Variants in LRRC49 observed in about 807,000 individuals in gnomAD.
The protein encoded by LRRC49 is leucine rich repeat containing 49.
LRRC49 carries 50 observed loss-of-function variants against 83.3 expected under a neutral mutation model. The ratio of observed to expected loss-of-function variants is 0.60; its 90% CI spans 0.48 to 0.76. The LOEUF is 0.76. Among genes scored for constraint, LRRC49 ranks in the 30% least tolerant of loss-of-function variants. The pLI is 0.00. For missense variants in LRRC49, 704 were observed against 809.1 expected (o/e 0.87, Z 1.58); for synonymous variants, 286 against 283.3 (o/e 1.01, Z -0.10).
Position 70,903,292 on chromosome 15 carries a change from G to A in LRRC49, c.297-1260G>A, listed in dbSNP as rs376058728. Reference sequence around the variant, plus strand: ...TTATCACAGTTCTGATAAAATAGTTGGATAAAATATTGTGATAAAATAATT... The same window carrying A: ...TTATCACAGTTCTGATAAAATAGTTAGATAAAATATTGTGATAAAATAATT... On this transcript the variant is annotated intron_variant, in intron 4 of 15. Transcript: ENST00000260382. Among the ~76,000 whole-genome samples the A allele has an allele frequency of 2.0e-4, 31 of 151,440 alleles. 1 individual carries two copies. In the South Asian group the frequency reaches 6.3e-3, roughly 31 times the overall value.
chr15:70,963,237 C>T (rs11638397), intron 8 of LRRC49, among the ~76,000 whole-genome samples: 1 of 141,672 alleles, frequency 7.1e-6, no homozygotes, highest in South Asian at 2.2e-4. Context: ...GATTGCACCA[C>T]TGAAACCCAG....
chr15:70,989,850 G>C (rs11072245), intron 11 of LRRC49, among the ~76,000 whole-genome samples: 1 of 151,994 alleles, frequency 6.6e-6, no homozygotes, highest in Non-Finnish European at 1.5e-5. Context: ...CCTTCTAACA[G>C]ACAGGACCCT....
upstream of LRRC49, among the ~76,000 whole-genome samples, chr15:70,888,928 A>C (rs1179643087): frequency 1.3e-5 from 2 of 152,228 alleles, no homozygotes; most frequent in Non-Finnish European, 2.9e-5. Context: ...AAATGGACTC[A>C]GATGTGAAAG....
chr15:71,000,770 G>T (rs911251725), intron 11 of LRRC49, among the ~76,000 whole-genome samples: 1 of 152,004 alleles, frequency 6.6e-6, no homozygotes, highest in Non-Finnish European at 1.5e-5. Context: ...ATCTAATTTA[G>T]ACTCATCATT....
upstream of LRRC49, chr15:70,892,484 C>T: frequency 6.5e-7 from 1 of 1,528,964 alleles, no homozygotes; most frequent in Non-Finnish European, 8.7e-7. Flanking sequence ...CTCCTCCCTG[C>T]GCTGCTCCCC....
intron 1 of LRRC49, among the ~76,000 whole-genome samples, chr15:70,854,408 G>A (rs2032597251): frequency 1.3e-5 from 2 of 152,156 alleles, no homozygotes; most frequent in Admixed American, 1.3e-4. Flanking sequence ...CGCCGCTGTG[G>A]GGCCCCAGCC....
chr15:70,868,451 G>A (rs1203157628), intron 1 of LRRC49, among the ~76,000 whole-genome samples: 1 of 152,184 alleles, frequency 6.6e-6, no homozygotes, highest in Non-Finnish European at 1.5e-5. Context: ...ATGATATTTG[G>A]TCACTCAAAA....
intron 9 of LRRC49, among the ~76,000 whole-genome samples, chr15:70,977,100 A>T (rs909528169): frequency 2.6e-5 from 4 of 152,178 alleles, no homozygotes; most frequent in African/African-American, 9.6e-5. Context: ...GGCTCTTTGA[A>T]AAAACAATCT....
At chr15:70,920,992 CT>C (rs1567053027) in intron 7 of LRRC49, among the ~76,000 whole-genome samples, 1 of 151,804 alleles carries the variant, frequency 6.6e-6, no homozygotes. Context: ...ATTCTTCTTG[CT>C]TTTTTTTCTT....
At chr15:71,037,545 G>T (rs1040601686) in intron 15 of LRRC49, among the ~76,000 whole-genome samples, 6 of 151,734 alleles carry the variant, frequency 4.0e-5, no homozygotes, top group African/African-American at 1.5e-4. Context: ...TTTCAGTATC[G>T]TTATTTCAGC....
At chr15:70,883,600 A>G (rs1211447474) in intron 2 of LRRC49, among the ~76,000 whole-genome samples, 1 of 152,094 alleles carries the variant, frequency 6.6e-6, no homozygotes, top group African/African-American at 2.4e-5. Flanking sequence ...CTTTAATAAG[A>G]TAAGTGACTT....
chr15:70,888,841 T>C (rs948465324), upstream of LRRC49, among the ~76,000 whole-genome samples: 9 of 152,190 alleles, frequency 5.9e-5, no homozygotes, highest in Admixed American at 4.6e-4. Flanking sequence ...ATCCAATTAA[T>C]ATTTGAAAAG....
In LRRC49 at chr15:71,019,255, C is replaced by T. The variant is rs1275236830; in HGVS notation, c.1703+6342C>T. On this transcript the variant is annotated intron_variant, in intron 14 of 15. Coordinates refer to ENST00000260382, the MANE Select transcript of LRRC49 (RefSeq NM_017691.5). ...CCCACCCCTCTAATTATGCCTTGGT[C>T]TTTCCAGTGACCAGCCCCCATCCTG... Among the ~76,000 whole-genome samples the T allele has an allele frequency of 1.1e-4, 17 of 152,256 alleles. No individual in the cohort carries two copies. In the East Asian group the frequency reaches 3.1e-3, roughly 28 times the overall value.
At chr15:70,893,828 A>G (rs1012672437) in intron 2 of LRRC49, among the ~76,000 whole-genome samples, 188 bp downstream of exon 2, 4 of 151,818 alleles carry the variant, frequency 2.6e-5, no homozygotes, top group African/African-American at 9.7e-5. Flanking sequence ...TAAAAAACTT[A>G]ATGTGATTTT....
intron 8 of LRRC49, among the ~76,000 whole-genome samples, chr15:70,947,334 T>G (rs2036044768): frequency 6.6e-6 from 1 of 152,198 alleles, no homozygotes; most frequent in Non-Finnish European, 1.5e-5. Flanking sequence ...TTTTTCCAAG[T>G]TGGTTGTTGA....
At chr15:70,985,418 A>G (rs2141229290) in intron 11 of LRRC49, among the ~76,000 whole-genome samples, 1 of 152,332 alleles carries the variant, frequency 6.6e-6, no homozygotes, top group South Asian at 2.1e-4. Context: ...TTTTGGCTGC[A>G]TAAATGTCCT....
chr15:70,886,847 C>A (rs1036292679), intron 2 of LRRC49, among the ~76,000 whole-genome samples: 1 of 151,332 alleles, frequency 6.6e-6, no homozygotes, highest in Non-Finnish European at 1.5e-5. Flanking sequence ...GCCTGTGTGA[C>A]AGAGTGAGCC....
At chr15:70,877,257 T>G (rs1050338160) in intron 2 of LRRC49, among the ~76,000 whole-genome samples, 12 of 152,222 alleles carry the variant, frequency 7.9e-5, no homozygotes, top group Non-Finnish European at 1.2e-4. Flanking sequence ...ATACAACTAT[T>G]AATACAATGT....
chr15:70,871,855 G>T (rs542456318), intron 1 of LRRC49, among the ~76,000 whole-genome samples: 1 of 150,654 alleles, frequency 6.6e-6, no homozygotes, highest in African/African-American at 2.5e-5. Flanking sequence ...GGGCAGAGAC[G>T]CTCCTCACTT....
Sources: allele counts gnomAD v4.1 joint callset (sites outside exome capture counted in the v4.1 genomes callset), GRCh38; gene constraint gnomAD v4.1.1; transcripts MANE v1.5; gene names NCBI Gene and HGNC (gene_info 2026-07-23, HGNC 2026-07-21).